Variants in SH3RF1 observed in about 807,000 individuals in gnomAD.
The protein encoded by SH3RF1 is SH3 domain containing ring finger 1.
In SH3RF1, 32 loss-of-function variants were observed where a neutral mutation model predicts 74.0. That is an observed-to-expected ratio of 0.43 (90% CI 0.33 to 0.58). The LOEUF (loss-of-function observed/expected upper bound fraction) is 0.58, where lower values mean the gene tolerates loss of function less well. Ranked by LOEUF, SH3RF1 falls within the 20% of genes least tolerant of loss-of-function variation. SH3RF1 has a pLI of 0.05. For synonymous variants in SH3RF1, 396 were observed against 439.6 expected (o/e 0.90, Z 1.24); for missense variants, 954 against 1,130.9 (o/e 0.84, Z 2.24).
chr4:169,206,439 A>C (rs1730263577), intron 2 of SH3RF1, among the ~76,000 whole-genome samples: 1 of 152,230 alleles, frequency 6.6e-6, no homozygotes, highest in Admixed American at 6.5e-5. Context: ...TTGGGAAGCC[A>C]AGGTGGGAGG....
intron 2 of SH3RF1, among the ~76,000 whole-genome samples, chr4:169,227,717 G>C (rs1730674104): frequency 6.6e-6 from 1 of 152,126 alleles, no homozygotes; most frequent in Non-Finnish European, 1.5e-5. Context: ...ACAACTTACA[G>C]GTAGAAAGAC....
chr4:169,158,021 G>T (rs949245665), intron 2 of SH3RF1, among the ~76,000 whole-genome samples: 1 of 152,228 alleles, frequency 6.6e-6, no homozygotes, highest in Non-Finnish European at 1.5e-5. Context: ...TTATAGGCAT[G>T]AGCCATCGCA....
chr4:169,122,073 G>A (rs752704374), intron 7 of SH3RF1, 27 bp downstream of exon 7: 3 of 1,609,132 alleles, frequency 1.9e-6, no homozygotes, highest in African/African-American at 1.3e-5. Context: ...GAACACATAA[G>A]CAGTAACAGA....
chr4:169,228,939 C>A (rs1579150901), intron 2 of SH3RF1, among the ~76,000 whole-genome samples: 1 of 151,976 alleles, frequency 6.6e-6, no homozygotes, highest in Non-Finnish European at 1.5e-5. Context: ...AAAAAAAATT[C>A]TGTTCTTCGA....
intron 2 of SH3RF1, among the ~76,000 whole-genome samples, chr4:169,167,574 G>GT: frequency 6.6e-6 from 1 of 152,040 alleles, no homozygotes; most frequent in Non-Finnish European, 1.5e-5. Context: ...ATGGAATCCT[G>GT]TTTAACTATT....
chr4:169,263,316 CT>C (rs1731308966), intron 2 of SH3RF1, among the ~76,000 whole-genome samples: 2 of 152,336 alleles, frequency 1.3e-5, no homozygotes, highest in South Asian at 2.1e-4. Context: ...ATCCCACCCC[CT>C]GATGCTTCAC....
At position 169,157,272 on chromosome 4, in the gene SH3RF1, C is replaced by T. The variant is rs558350967; in HGVS notation, c.394-593G>A. ...TTTAATGAGGGTCTACTCCTGGATA[C>T]AGCAGTGAGTGAACAGTCACAGTAC... On this transcript the variant is annotated intron_variant, in intron 2 of 11. Coordinates refer to ENST00000284637, the MANE Select transcript of SH3RF1 (RefSeq NM_020870.4). 4.6e-5 allele frequency among the ~76,000 whole-genome samples: 7 copies of T among 152,282 alleles called. 1 individual carries two copies. In the South Asian group the frequency reaches 1.5e-3, roughly 32 times the overall value.
intron 2 of SH3RF1, among the ~76,000 whole-genome samples, chr4:169,247,214 A>G (rs1276557663): frequency 6.6e-6 from 1 of 152,210 alleles, no homozygotes; most frequent in Non-Finnish European, 1.5e-5. Context: ...GCAAACCAAA[A>G]GGGAAGAGGT....
intron 10 of SH3RF1, among the ~76,000 whole-genome samples, 177 bp from the exon 11 acceptor site, chr4:169,107,382 T>C (rs2126938356): frequency 6.6e-6 from 1 of 152,298 alleles, no homozygotes; most frequent in Non-Finnish European, 1.5e-5. Context: ...TTTACATTAT[T>C]TCTGTTGATA....
At chr4:169,164,791 C>A (rs1734208957) in intron 2 of SH3RF1, among the ~76,000 whole-genome samples, 1 of 152,162 alleles carries the variant, frequency 6.6e-6, no homozygotes, top group African/African-American at 2.4e-5. Context: ...CAAACTACAG[C>A]AAATAAATAT....
intron 2 of SH3RF1, among the ~76,000 whole-genome samples, chr4:169,211,343 G>A (rs966957790): frequency 1.3e-5 from 2 of 151,982 alleles, no homozygotes; most frequent in South Asian, 2.1e-4. Flanking sequence ...TTAGCTGGGC[G>A]TGGTGGCAGA....
intron 2 of SH3RF1, among the ~76,000 whole-genome samples, chr4:169,226,675 A>G (rs1182633392): frequency 6.6e-6 from 1 of 152,222 alleles, no homozygotes; most frequent in African/African-American, 2.4e-5. Flanking sequence ...ACAGTGCACC[A>G]TCAATTTTAT....
At chr4:169,195,304 C>G (rs996172533) in intron 2 of SH3RF1, among the ~76,000 whole-genome samples, 4 of 151,916 alleles carry the variant, frequency 2.6e-5, no homozygotes, top group African/African-American at 9.7e-5. Flanking sequence ...ATAATTATAC[C>G]TCCTAGGAAA....
intron 2 of SH3RF1, among the ~76,000 whole-genome samples, chr4:169,227,260 A>G (rs1351605398): frequency 2.0e-5 from 3 of 152,198 alleles, no homozygotes; most frequent in African/African-American, 7.2e-5. Context: ...AGACTATAAC[A>G]TCAATCAATA....
chr4:169,181,580 C>T (rs891071198), intron 2 of SH3RF1, among the ~76,000 whole-genome samples: 1 of 152,072 alleles, frequency 6.6e-6, no homozygotes, highest in African/African-American at 2.4e-5. Context: ...CTTTTAAGTC[C>T]TCACTCCTGA....
chr4:169,108,794 G>A (rs1043329533), intron 10 of SH3RF1, among the ~76,000 whole-genome samples: 1 of 152,228 alleles, frequency 6.6e-6, no homozygotes, highest in African/African-American at 2.4e-5. Flanking sequence ...TGCAGTGGCA[G>A]TGCTGTATAT....
At chr4:169,214,138 T>C (rs1015780348) in intron 2 of SH3RF1, among the ~76,000 whole-genome samples, 2 of 152,164 alleles carry the variant, frequency 1.3e-5, no homozygotes, top group Non-Finnish European at 2.9e-5. Flanking sequence ...GTTTGGGTCA[T>C]GGGGGCGCAC....
At chr4:169,143,829 T>C (rs571575759) in intron 4 of SH3RF1, among the ~76,000 whole-genome samples, 1 of 152,362 alleles carries the variant, frequency 6.6e-6, no homozygotes, top group South Asian at 2.1e-4. Context: ...TGGCCCTAGC[T>C]GTTAAAAACA....
intron 2 of SH3RF1, among the ~76,000 whole-genome samples, chr4:169,254,714 G>A (rs896352592): frequency 6.6e-6 from 1 of 152,164 alleles, no homozygotes; most frequent in Admixed American, 6.6e-5. Flanking sequence ...AGGAGCAGGA[G>A]GGTCCCATGA....
Sources: allele counts gnomAD v4.1 joint callset (sites outside exome capture counted in the v4.1 genomes callset), GRCh38; gene constraint gnomAD v4.1.1; transcripts MANE v1.5; gene names NCBI Gene and HGNC (gene_info 2026-07-23, HGNC 2026-07-21).